PCDHA11: variants seen among roughly 807,000 people sequenced by gnomAD.
PCDHA11 encodes the protein protocadherin alpha 11.
Under a neutral mutation model 70.3 loss-of-function variants are expected in PCDHA11, and 61 were observed. The observed-to-expected ratio is 0.87, with a 90% CI of 0.71 to 1.07. The LOEUF (loss-of-function observed/expected upper bound fraction) is 1.07, where lower values mean the gene tolerates loss of function less well. Among genes scored for constraint, PCDHA11 ranks in the 50% least tolerant of loss-of-function variants. The pLI is 0.00. For missense variants in PCDHA11, 1,324 were observed against 1,237.5 expected (o/e 1.07, Z -1.05); for synonymous variants, 633 against 555.1 (o/e 1.14, Z -1.97).
chr5:140,914,590 T>C (rs886666163), intron 1 of PCDHA11, among the ~76,000 whole-genome samples: 1 of 152,208 alleles, frequency 6.6e-6, no homozygotes, highest in African/African-American at 2.4e-5. Flanking sequence ...TTCATTTAAG[T>C]AGGAACTTCC....
At chr5:140,917,354 G>T (rs148449289) in intron 1 of PCDHA11, among the ~76,000 whole-genome samples, 7 of 143,854 alleles carry the variant, frequency 4.9e-5, no homozygotes, top group African/African-American at 1.8e-4. Flanking sequence ...GTAGGCTTCT[G>T]TTCCACTATC....
At chr5:140,877,239 C>G (rs2056959197) in intron 1 of PCDHA11, 1 of 1,613,668 alleles carries the variant, frequency 6.2e-7, no homozygotes, top group Non-Finnish European at 8.5e-7. Context: ...GTGCGGGCCA[C>G]GTGGTGGCGA....
chr5:140,963,221 T>C (rs2095749324), intron 1 of PCDHA11, among the ~76,000 whole-genome samples: 1 of 151,808 alleles, frequency 6.6e-6, no homozygotes, highest in Admixed American at 6.6e-5. Context: ...GTGTTTAGAG[T>C]AGACACTGTT....
rs1159995588 is a variant in PCDHA11, at chr5:140,947,341, A to G, written c.2392-31608A>G. ...GGTTGACCATAAATGTGTGGGCTTA[A>G]TTCTGGACTCTATTTCACTCCTTTG... is the stretch of plus-strand genomic sequence containing the variant. On this transcript the variant is annotated intron_variant, in intron 1 of 3. Transcript: ENST00000398640. Among the ~76,000 whole-genome samples the G allele has an allele frequency of 2.6e-5, 4 of 151,804 alleles. No individual in the cohort carries two copies. The South Asian group carries it at 6.2e-4, about 24-fold the overall frequency.
intron 3 of PCDHA11, among the ~76,000 whole-genome samples, chr5:140,989,274 G>A (rs3756325): frequency 0.3 from 45,270 of 152,016 alleles, 6,976 homozygotes; most frequent in East Asian, 0.43. Flanking sequence ...GTTTCTGCTG[G>A]GGACATCTCA....
Position 140,993,460 on chromosome 5 carries a change from T to TCC in PCDHA11, c.2539+10898_2539+10899insCC, listed in dbSNP as rs1554253699. ...TTCATTCCTGTTCTCCTTCTTTCTT[T>TCC]CTCACACACACACACACACACACAC... On this transcript the variant is annotated intron_variant, in intron 3 of 3. Coordinates refer to ENST00000398640, the MANE Select transcript of PCDHA11 (RefSeq NM_018902.5). Among the ~76,000 whole-genome samples, 535 of 104,558 alleles carry TCC rather than the reference T, an allele frequency of 5.1e-3. 5 individuals carry two copies. Among genetic ancestry groups the TCC allele is most frequent in the African/African-American group, 0.02 (517 of 25,554 alleles). The allele number at this position is 104,558 out of a possible 152,430, so 68.6% of individuals were successfully genotyped here. A position where few individuals can be genotyped will look rare whatever the true frequency, so the allele number is the denominator to read the frequency against.
At chr5:140,983,481 T>A (rs782574681) in intron 3 of PCDHA11, among the ~76,000 whole-genome samples, 2 of 152,226 alleles carry the variant, frequency 1.3e-5, no homozygotes, top group Non-Finnish European at 2.9e-5. Context: ...TAATAGTAGT[T>A]ACTAATTATT....
Position 140,980,554 on chromosome 5 carries a change from C to T in PCDHA11, c.2450+1547C>T, listed in dbSNP as rs1283128844. Among the ~76,000 whole-genome samples, 9 of 152,008 alleles carry T rather than the reference C, an allele frequency of 5.9e-5. No individual in the cohort carries two copies. The South Asian group carries it at 1.5e-3, about 25-fold the overall frequency. On this transcript the variant is annotated intron_variant, in intron 2 of 3. Transcript: ENST00000398640. ...CTGAGGCAGGAGAATCGCTTGAACC[C>T]GGGAGGCGGAAGTTGCAGTGAGCCA...
intron 1 of PCDHA11, among the ~76,000 whole-genome samples, chr5:140,894,240 ATTTTC>A (rs2064382890): frequency 6.6e-6 from 1 of 151,828 alleles, no homozygotes; most frequent in African/African-American, 2.4e-5. Flanking sequence ...TGACAATGTA[ATTTTC>A]TTTTCTTTAC....
intron 1 of PCDHA11, chr5:140,884,272 G>A (rs1554181402): frequency 6.2e-7 from 1 of 1,613,574 alleles, no homozygotes; most frequent in South Asian, 1.1e-5. Flanking sequence ...TGCTGTTGTC[G>A]CTGGTGGAGA....
chr5:140,938,761 G>A (rs1414324125), intron 1 of PCDHA11, among the ~76,000 whole-genome samples: 5 of 151,992 alleles, frequency 3.3e-5, no homozygotes, highest in Non-Finnish European at 7.4e-5. Flanking sequence ...CATAGTTATT[G>A]GGTACTAGAC....
intron 1 of PCDHA11, among the ~76,000 whole-genome samples, chr5:140,923,958 T>C (rs1447655640): frequency 1.3e-5 from 2 of 152,216 alleles, no homozygotes; most frequent in Admixed American, 6.5e-5. Context: ...CACGCCCTAA[T>C]CTATACCCAC....
At position 140,992,594 on chromosome 5, in the gene PCDHA11, G is replaced by T. The variant is rs782416770; in HGVS notation, c.2539+10031G>T. On this transcript the variant is annotated intron_variant, in intron 3 of 3. Coordinates refer to ENST00000398640, the MANE Select transcript of PCDHA11 (RefSeq NM_018902.5). ...ATTGCCTGCCTTGTATGCATCTAGC[G>T]TCTGTGTCTAAGTGAAAGCAGATTA... Among the ~76,000 whole-genome samples, 5 of 152,266 alleles carry T rather than the reference G, an allele frequency of 3.3e-5. No individual in the cohort carries two copies. The East Asian group carries it at 7.7e-4, about 24-fold the overall frequency.
intron 2 of PCDHA11, chr5:140,982,217 C>T (rs1257918481): frequency 3.9e-6 from 2 of 507,664 alleles, no homozygotes; most frequent in Non-Finnish European, 6.2e-6. Context: ...CGCCACATGG[C>T]GTTAATAAAA....
chr5:140,941,175 C>G (rs1344326389), intron 1 of PCDHA11, among the ~76,000 whole-genome samples: 1 of 145,416 alleles, frequency 6.9e-6, no homozygotes, highest in Admixed American at 6.8e-5. Flanking sequence ...CCATCTTGAA[C>G]ATCCTGCTTC....
At chr5:140,939,089 A>C (rs1048123737) in intron 1 of PCDHA11, among the ~76,000 whole-genome samples, 11 of 152,204 alleles carry the variant, frequency 7.2e-5, no homozygotes, top group Non-Finnish European at 1.2e-4. Context: ...TGGGTGGCTT[A>C]AAAACAATAG....
intron 1 of PCDHA11, among the ~76,000 whole-genome samples, chr5:140,954,934 T>A (rs1417357535): frequency 2.6e-5 from 4 of 152,208 alleles, no homozygotes; most frequent in African/African-American, 9.6e-5. Flanking sequence ...TTAATTAATC[T>A]TGAGTTAATT....
At chr5:140,892,980 G>A (rs568292110) in intron 1 of PCDHA11, among the ~76,000 whole-genome samples, 4 of 152,030 alleles carry the variant, frequency 2.6e-5, no homozygotes, top group Admixed American at 6.6e-5. Context: ...TGTAGCTGCC[G>A]TATAAGTGAG....
intron 3 of PCDHA11, among the ~76,000 whole-genome samples, chr5:140,991,295 A>G (rs1215731555): frequency 6.6e-6 from 1 of 152,202 alleles, no homozygotes; most frequent in African/African-American, 2.4e-5. Context: ...TTAACACATT[A>G]CTATTATCTT....
Sources: gnomAD v4.1 joint callset for allele counts (sites outside exome capture counted in the v4.1 genomes callset) on GRCh38, gnomAD v4.1.1 for gene constraint, MANE v1.5 for transcripts, NCBI Gene and HGNC (gene_info 2026-07-23, HGNC 2026-07-21) for gene names.